Variants in TMEM11 observed in about 807,000 individuals in gnomAD.
TMEM11 encodes transmembrane protein 11.
In TMEM11, 1 loss-of-function variant was observed where a neutral mutation model predicts 17.0. That is an observed-to-expected ratio of 0.06 (90% confidence interval 0.02 to 0.28). The LOEUF is 0.28. Among genes scored for constraint, TMEM11 ranks in the 10% least tolerant of loss-of-function variants. TMEM11 has a pLI of 1.00. For synonymous variants in TMEM11, 122 were observed against 118.1 expected (o/e 1.03, Z -0.21); for missense variants, 172 against 252.9 (o/e 0.68, Z 2.17).
chr17:21,200,927 G>A (rs1974876497), intron 1 of TMEM11, among the ~76,000 whole-genome samples: 1 of 152,220 alleles, frequency 6.6e-6, no homozygotes, highest in Admixed American at 6.5e-5. Flanking sequence ...CCTCAGCCCA[G>A]CATGAAGGTA....
intron 1 of TMEM11, among the ~76,000 whole-genome samples, chr17:21,203,429 GGCCA>G (rs1011627165): frequency 1.3e-4 from 20 of 152,182 alleles, no homozygotes; most frequent in African/African-American, 4.3e-4. Flanking sequence ...AGAAATTCGT[GGCCA>G]TGACCAGGTG....
intron 1 of TMEM11, among the ~76,000 whole-genome samples, chr17:21,205,260 G>C (rs939898772): frequency 1.3e-5 from 2 of 152,150 alleles, no homozygotes; most frequent in African/African-American, 4.8e-5. Context: ...TGTTCGGTGA[G>C]AGCAAAAGAT....
At chr17:21,202,452 G>C (rs1195326285) in intron 1 of TMEM11, among the ~76,000 whole-genome samples, 1 of 152,216 alleles carries the variant, frequency 6.6e-6, no homozygotes, top group Non-Finnish European at 1.5e-5. Flanking sequence ...GCGCCATCCT[G>C]AATGTAGTGA....
At position 21,198,290 on chromosome 17, in the gene TMEM11, G is replaced by T; in HGVS notation, c.*34C>A. 2 of 1,585,026 alleles carry T rather than the reference G, an allele frequency of 1.3e-6. No individual in the cohort carries two copies. Among genetic ancestry groups the T allele is most frequent in the Non-Finnish European group, 1.7e-6 (2 of 1,161,462 alleles). On this transcript the variant is annotated 3_prime_UTR_variant, in exon 2 of 2. Coordinates refer to ENST00000317635, the MANE Select transcript of TMEM11 (RefSeq NM_003876.3). This position sits in a 1 kb window ranked among gnomAD's most constrained non-coding sequence, Gnocchi z 6.5. ...AATACTCTGTTGTCTCTTGTGGGCC[G>T]GGTGGTTTTGCTTCGCTCCCTGTTC...
At chr17:21,213,118 A>T (rs748933720) in intron 1 of TMEM11, 4 of 152,236 alleles carry the variant, frequency 2.6e-5, no homozygotes, top group Non-Finnish European at 5.9e-5. Flanking sequence ...AGTTGAGAGG[A>T]AGATAACTTT....
rs775552645 is a variant in TMEM11, at chr17:21,198,341, C to G, written c.562G>C (p.Glu188Gln). ...TACTGAAATCATACGGCATAGAGTT[C>G]GTAAATCTTCTTTACACAGTACACC... is the stretch of plus-strand genomic sequence containing the variant. ...ALVYCVKKIYELYAV is the reference protein window; with the variant it reads ...ALVYCVKKIYQLYAV Residue 188 changes from glutamate to glutamine, a missense_variant, in exon 2 of 2, where the codon GAA becomes CAA. By Grantham distance (29) the Glu-to-Gln change is conservative. Coordinates refer to ENST00000317635, the MANE Select transcript of TMEM11 (RefSeq NM_003876.3). This position sits in a 1 kb window ranked among gnomAD's most constrained non-coding sequence, Gnocchi z 6.5. The G allele has an allele frequency of 1.2e-6, 2 of 1,612,328 alleles. No homozygotes were observed. Among genetic ancestry groups the G allele is most frequent in the Admixed American group, 1.7e-5 (1 of 59,976 alleles).
chr17:21,199,387 A>C (rs1031376705), intron 1 of TMEM11, among the ~76,000 whole-genome samples: 1 of 151,148 alleles, frequency 6.6e-6, no homozygotes, highest in South Asian at 2.1e-4. Context: ...GACGTTTAAC[A>C]TGACAAACAC....
intron 1 of TMEM11, among the ~76,000 whole-genome samples, chr17:21,199,695 A>C (rs1974862137): frequency 6.6e-6 from 1 of 152,222 alleles, no homozygotes; most frequent in Non-Finnish European, 1.5e-5. Flanking sequence ...AATGAAATCC[A>C]AACTCCTTTG....
intron 1 of TMEM11, chr17:21,211,274 A>G: frequency 7.9e-7 from 1 of 1,267,436 alleles, no homozygotes; most frequent in East Asian, 5.6e-5. Context: ...AAGCACTACC[A>G]TTTTGCTATT....
intron 1 of TMEM11, among the ~76,000 whole-genome samples, chr17:21,208,047 C>T (rs1309254467): frequency 6.7e-6 from 1 of 148,770 alleles, no homozygotes; most frequent in African/African-American, 2.5e-5. Context: ...GGCTCAAGTG[C>T]AGTGGCGTGA....
At chr17:21,211,897 A>G (rs1975006792) in intron 1 of TMEM11, among the ~76,000 whole-genome samples, 3 of 152,246 alleles carry the variant, frequency 2.0e-5, no homozygotes, top group Admixed American at 6.5e-5. Context: ...AGCCATAAAC[A>G]GCCTACTTCA....
chr17:21,212,016 G>T (rs1034714756), intron 1 of TMEM11, among the ~76,000 whole-genome samples: 3 of 152,154 alleles, frequency 2.0e-5, no homozygotes, highest in Non-Finnish European at 4.4e-5. Context: ...CAGGAATGGA[G>T]GGATGCCCAG....
chr17:21,210,086 G>T (rs147163134), intron 1 of TMEM11, among the ~76,000 whole-genome samples: 103 of 152,276 alleles, frequency 6.8e-4, no homozygotes, highest in African/African-American at 2.3e-3. Flanking sequence ...GACAAGCCGG[G>T]GCAGAGGAGC....
chr17:21,211,629 C>A (rs1975004146), intron 1 of TMEM11, among the ~76,000 whole-genome samples: 1 of 152,272 alleles, frequency 6.6e-6, no homozygotes, highest in African/African-American at 2.4e-5. Context: ...GGCAGTAATA[C>A]TGCAGGCAGT....
Position 21,198,958 on chromosome 17 carries a change from A to G in TMEM11, c.63-118T>C, listed in dbSNP as rs1974850623. 2 of 1,102,922 alleles carry G rather than the reference A, an allele frequency of 1.8e-6. No individual in the cohort carries two copies. Among genetic ancestry groups the G allele is most frequent in the Admixed American group, 2.7e-5 (1 of 36,546 alleles). The allele number at this position is 1,102,922 out of a possible 1,614,324, so 68.3% of individuals were successfully genotyped here. A position where few individuals can be genotyped will look rare whatever the true frequency, so the allele number is the denominator to read the frequency against. ...TCTGAGCCTGCACTGCGGAGAGCACATCTCACTTGGGTCCTCATCTCCTTT... is the reference window on the plus strand; with the variant it reads ...TCTGAGCCTGCACTGCGGAGAGCACGTCTCACTTGGGTCCTCATCTCCTTT... On this transcript the variant is annotated intron_variant, in intron 1 of 1. Transcript: ENST00000317635. The surrounding 1 kb of genome is among the most constrained non-coding windows in gnomAD (Gnocchi z 6.5).
intron 1 of TMEM11, chr17:21,211,197 G>T: frequency 7.8e-7 from 1 of 1,289,854 alleles, no homozygotes. Context: ...CTCAGAGTCT[G>T]ATGTTCTTCA....
chr17:21,207,155 G>A (rs1407417432), intron 1 of TMEM11, among the ~76,000 whole-genome samples: 1 of 152,122 alleles, frequency 6.6e-6, no homozygotes, highest in Admixed American at 6.6e-5. Context: ...TGTTTTTAAG[G>A]GCCATCATGC....
chr17:21,211,218 T>C, intron 1 of TMEM11: 2 of 1,289,456 alleles, frequency 1.6e-6, no homozygotes, highest in Non-Finnish European at 1.0e-6. Context: ...TTACAAACAC[T>C]GTTGGTTCCC....
Position 21,214,105 on chromosome 17 carries a change from G to C in TMEM11, c.48C>G (p.Gly16=). 1.2e-6 allele frequency: 2 copies of C among 1,610,952 alleles called. No individual in the cohort carries two copies. Among genetic ancestry groups the C allele is most frequent in the South Asian group, 1.1e-5 (1 of 90,780 alleles). The part of the protein sequence containing the change: ...RRRLGPGSSG[G]SARERVSLSA... ...TTGGATCTCACCTCTCTCGGGCGCT[G>C]CCGCCACTGCTGCCCGGGCCAAGAC... Residue 16 remains glycine (G), a synonymous_variant, in exon 1 of 2, where the codon GGC becomes GGG. Coordinates refer to ENST00000317635, the MANE Select transcript of TMEM11 (RefSeq NM_003876.3).
Sources: allele counts gnomAD v4.1 joint callset (sites outside exome capture counted in the v4.1 genomes callset), GRCh38; gene constraint gnomAD v4.1.1; non-coding constraint Gnocchi (gnomAD v3.1); transcripts MANE v1.5; gene names NCBI Gene and HGNC (gene_info 2026-07-23, HGNC 2026-07-21).